Variants in PACC1 observed in about 807,000 individuals in gnomAD.
PACC1 encodes proton activated chloride channel 1, also known as proton-activated chloride channel.
Under a neutral mutation model 39.7 loss-of-function variants are expected in PACC1, and 34 were observed. The ratio of observed to expected loss-of-function variants is 0.86; its 90% CI spans 0.65 to 1.14. The LOEUF (loss-of-function observed/expected upper bound fraction) is 1.14, where lower values mean the gene tolerates loss of function less well. Ranked by LOEUF, PACC1 falls within the 50% of genes most tolerant of loss-of-function variation. The probability of loss-of-function intolerance (pLI) is 0.00; values close to 1 mark genes in which losing one functional copy is unlikely to be tolerated. For synonymous variants in PACC1, 127 were observed against 160.6 expected (o/e 0.79, Z 1.58); for missense variants, 379 against 436.4 (o/e 0.87, Z 1.17).
At chr1:212,378,062 C>A (rs1026438214) in intron 5 of PACC1, among the ~76,000 whole-genome samples, 1 of 152,132 alleles carries the variant, frequency 6.6e-6, no homozygotes, top group Non-Finnish European at 1.5e-5. Flanking sequence ...CAGAACATGG[C>A]GCTCACAGCT....
chr1:212,410,703 C>A (rs1343309814), intron 1 of PACC1, among the ~76,000 whole-genome samples, 182 bp from the exon 2 acceptor site: 1 of 152,244 alleles, frequency 6.6e-6, no homozygotes. Context: ...AATAAACTTT[C>A]TGCTCTCTGT....
At chr1:212,375,419 T>G in intron 6 of PACC1, 119 bp from the exon 7 acceptor site, 1 of 668,700 alleles carries the variant, frequency 1.5e-6, no homozygotes, top group Non-Finnish European at 2.6e-6. Flanking sequence ...CTCACACTAT[T>G]TTTTGGAGAG....
intron 2 of PACC1, 117 bp downstream of exon 2, chr1:212,410,308 T>G: frequency 1.1e-6 from 1 of 878,620 alleles, no homozygotes; most frequent in Non-Finnish European, 1.9e-6. Flanking sequence ...GGGCAATACT[T>G]GAGACCTGAC....
At chr1:212,413,859 T>G (rs1662225008) in intron 1 of PACC1, 1 of 1,514,790 alleles carries the variant, frequency 6.6e-7, no homozygotes, top group Admixed American at 2.0e-5. Flanking sequence ...ACTCAGAGGT[T>G]ACAGCAAACA....
At chr1:212,400,010 A>G (rs986936883) in intron 2 of PACC1, among the ~76,000 whole-genome samples, 1 of 151,904 alleles carries the variant, frequency 6.6e-6, no homozygotes, top group Admixed American at 6.6e-5. Flanking sequence ...ACACCTGGCT[A>G]ATTTTTTATA....
intron 4 of PACC1, among the ~76,000 whole-genome samples, chr1:212,381,770 G>GACACAGTGACTGACACACAC (rs1553281060): frequency 2.5e-5 from 3 of 118,080 alleles, no homozygotes; most frequent in African/African-American, 1.1e-4. Flanking sequence ...ACAGCACAGT[G>GACACAGTGACTGACACACAC]ACACACACAC....
In PACC1 at chr1:212,377,797, G is replaced by T. The variant is rs538207021; in HGVS notation, c.639-91C>A. On this transcript the variant is annotated intron_variant, in intron 5 of 7. Coordinates refer to ENST00000261455, the MANE Select transcript of PACC1 (RefSeq NM_018252.3). ...CCACTGCAAGCTGGTTTCTTTGCTG[G>T]CACAACCAGGATGCTGCCCACTCCC... is the stretch of plus-strand genomic sequence containing the variant. The T allele has an allele frequency of 2.8e-5, 41 of 1,465,430 alleles. 3 individuals are homozygous for T. The South Asian group carries it at 5.0e-4, about 18-fold the overall frequency. 90.8% of individuals were successfully genotyped at this position (1,465,430 alleles called of 1,614,324 possible).
At position 212,375,204 on chromosome 1, in the gene PACC1, T is replaced by A. The variant is rs151243413; in HGVS notation, c.880A>T (p.Lys294Ter). The change falls in exon 7 of 8, where the codon AAA becomes TAA. Residue 294 changes from lysine to a stop codon, truncating the protein, a stop_gained. Coordinates refer to ENST00000261455, the MANE Select transcript of PACC1 (RefSeq NM_018252.3). LOFTEE classifies it high-confidence loss of function. ...TCTTAAATACTCACATCTTGGACTT[T>A]CTGGATGAAAGGATCTTTCCATTCA... ...VFEWKDPFIQ[K>*]VQDIVTANPW... 6.2e-7 allele frequency: 1 copy of A among 1,612,958 alleles called. No homozygotes were observed. Among genetic ancestry groups the A allele is most frequent in the Non-Finnish European group, 8.5e-7 (1 of 1,179,204 alleles).
At chr1:212,404,098 T>C (rs72754335) in intron 2 of PACC1, among the ~76,000 whole-genome samples, 290 of 151,916 alleles carry the variant, frequency 1.9e-3, no homozygotes, top group Non-Finnish European at 2.9e-3. Flanking sequence ...GTTCCAATCC[T>C]TTTATTTTTT....
chr1:212,391,094 T>A (rs1398184764), intron 2 of PACC1, among the ~76,000 whole-genome samples: 1 of 152,216 alleles, frequency 6.6e-6, no homozygotes, highest in Non-Finnish European at 1.5e-5. Flanking sequence ...AAGAGAGTAG[T>A]GGTTCTCCTA....
intron 2 of PACC1, among the ~76,000 whole-genome samples, chr1:212,406,619 G>T (rs755306972): frequency 6.6e-6 from 1 of 152,196 alleles, no homozygotes; most frequent in Non-Finnish European, 1.5e-5. Context: ...GGACTCCTGA[G>T]ATCTGAATCT....
rs1660814530 is a variant in PACC1 at position 212,379,940 on chromosome 1, G to A, written c.593C>T (p.Ala198Val). 6.2e-7 allele frequency: 1 copy of A among 1,614,208 alleles called. No homozygotes were observed. Among genetic ancestry groups the A allele is most frequent in the Non-Finnish European group, 8.5e-7 (1 of 1,180,038 alleles). ...RLNKSSEDFS[A>V]IDYLLFSSFQ... ...AGAAGAGAAGAGGAGGTAATCAATG[G>A]CGCTGAAGTCCTCACTACTCTTGTT... The change falls in exon 5 of 8, where the codon GCC becomes GTC. Residue 198 changes from alanine (A) to valine (V), a missense_variant. Coordinates refer to ENST00000261455, the MANE Select transcript of PACC1 (RefSeq NM_018252.3).
At chr1:212,381,015 T>A (rs1660858883) in intron 4 of PACC1, among the ~76,000 whole-genome samples, 1 of 152,258 alleles carries the variant, frequency 6.6e-6, no homozygotes, top group Non-Finnish European at 1.5e-5. Context: ...GTGAGTACAC[T>A]GTCAGTTACA....
At chr1:212,407,230 GAGAA>G (rs1661950980) in intron 2 of PACC1, among the ~76,000 whole-genome samples, 1 of 152,186 alleles carries the variant, frequency 6.6e-6, no homozygotes, top group Non-Finnish European at 1.5e-5. Context: ...GATGTCATGT[GAGAA>G]AGACTCGACG....
chr1:212,364,561 C>G lies in PACC1; in HGVS notation c.*654G>C, dbSNP rs534464593. On this transcript the variant is annotated 3_prime_UTR_variant, in exon 8 of 8. Transcript: ENST00000261455. ...CCTTCTATGTACATCTGTCCTAGTG[C>G]TTTTGAGTGTTAATCTAAACTCATA... The G allele has an allele frequency of 6.5e-6, 1 of 152,722 alleles. No homozygotes were observed. Among genetic ancestry groups the G allele is most frequent in the Admixed American group, 6.5e-5 (1 of 15,304 alleles). 9.5% of individuals were successfully genotyped at this position (152,722 alleles called of 1,614,324 possible). A position where few individuals can be genotyped will look rare whatever the true frequency, so the allele number is the denominator to read the frequency against.
intron 2 of PACC1, among the ~76,000 whole-genome samples, chr1:212,402,943 C>T (rs1170969877): frequency 2.0e-5 from 3 of 152,134 alleles, no homozygotes; most frequent in Admixed American, 1.3e-4. Context: ...CGTGATCAAC[C>T]GTGCCCAGCC....
chr1:212,400,811 C>A (rs1239593456), intron 2 of PACC1, among the ~76,000 whole-genome samples: 1 of 152,166 alleles, frequency 6.6e-6, no homozygotes, highest in African/African-American at 2.4e-5. Flanking sequence ...AGTTTATATG[C>A]TTTGTAAAAT....
At chr1:212,368,209 C>T (rs554757323) in intron 7 of PACC1, among the ~76,000 whole-genome samples, 1 of 152,260 alleles carries the variant, frequency 6.6e-6, no homozygotes, top group South Asian at 2.1e-4. Context: ...ACTGACTACA[C>T]GCTTAGGGAA....
intron 1 of PACC1, among the ~76,000 whole-genome samples, chr1:212,411,024 G>T (rs1005173663): frequency 5.3e-5 from 8 of 152,164 alleles, no homozygotes; most frequent in African/African-American, 1.9e-4. Flanking sequence ...TGTTGGATTA[G>T]GGGCCCACCC....
Sources: gnomAD v4.1 joint callset for allele counts (sites outside exome capture counted in the v4.1 genomes callset) on GRCh38, gnomAD v4.1.1 for gene constraint, MANE v1.5 for transcripts, NCBI Gene and HGNC (gene_info 2026-07-23, HGNC 2026-07-21) for gene names.